FOCAD: variants seen among roughly 807,000 people sequenced by gnomAD.
FOCAD encodes the protein KIAA1797.
In FOCAD, 198 loss-of-function variants were observed where a neutral mutation model predicts 225.6. The observed-to-expected ratio is 0.88, with a 90% CI of 0.78 to 0.99. FOCAD has a LOEUF of 0.99. Among genes scored for constraint, FOCAD ranks in the 50% least tolerant of loss-of-function variants. The pLI is 0.00. For missense variants in FOCAD, 2,713 were observed against 2,123.6 expected, an observed-to-expected ratio of 1.28 and a Z score of -5.46; for synonymous variants, 897 against 755.0, an observed-to-expected ratio of 1.19 and a Z score of -3.08.
At chr9:20,861,878 TAAG>T (rs1337537246) in intron 15 of FOCAD, among the ~76,000 whole-genome samples, 2 of 152,136 alleles carry the variant, frequency 1.3e-5, no homozygotes, top group Non-Finnish European at 2.9e-5. Flanking sequence ...GAATTGAACT[TAAG>T]AAGATATTTG....
Position 20,783,884 on chromosome 9 carries a change from C to G in FOCAD, c.1197+1955C>G, listed in dbSNP as rs1011276633. 1.1e-4 allele frequency among the ~76,000 whole-genome samples: 16 copies of G among 151,978 alleles called. 1 individual carries two copies. The highest frequency in any genetic ancestry group is 1.5e-5 in the Non-Finnish European group (1 of 67,998). On this transcript the variant is annotated intron_variant, in intron 10 of 43. Coordinates refer to ENST00000338382, the MANE Select transcript of FOCAD (RefSeq NM_001375567.1). ...AGTCAGGAAAGAGAAAACACACTGGCAATTTGAACAAGGAAAACTTAATGC... is the reference window on the plus strand; with the variant it reads ...AGTCAGGAAAGAGAAAACACACTGGGAATTTGAACAAGGAAAACTTAATGC...
At chr9:20,986,606 T>C (rs1172293043) in intron 40 of FOCAD, 141 bp downstream of exon 40, 2 of 612,672 alleles carry the variant, frequency 3.3e-6, no homozygotes, top group Non-Finnish European at 5.2e-6. Context: ...AAATGAGGAG[T>C]AACTTGGATA....
At chr9:20,719,300 C>G (rs1825591551) in intron 3 of FOCAD, among the ~76,000 whole-genome samples, 1 of 152,168 alleles carries the variant, frequency 6.6e-6, no homozygotes, top group African/African-American at 2.4e-5. Flanking sequence ...CCAGGCTGGT[C>G]TCGAACTTCT....
intron 10 of FOCAD, among the ~76,000 whole-genome samples, chr9:20,783,290 A>G (rs1364132946): frequency 6.6e-6 from 1 of 152,198 alleles, no homozygotes; most frequent in African/African-American, 2.4e-5. Context: ...GGCTGTAAAT[A>G]TCCTCCTTAT....
At chr9:20,665,590 AG>A (rs1176292491) in intron 2 of FOCAD, among the ~76,000 whole-genome samples, 2 of 152,214 alleles carry the variant, frequency 1.3e-5, no homozygotes, top group Non-Finnish European at 2.9e-5. Flanking sequence ...TAAAAGGAAA[AG>A]AGTAAATATG....
chr9:20,945,843 A>G lies in FOCAD; in HGVS notation c.3556-858A>G, dbSNP rs1039904517. On this transcript the variant is annotated intron_variant, in intron 29 of 43. Transcript: ENST00000338382. Reference sequence around the variant, plus strand: ...CACTTATATTTTTCATGCCATATCAACCAGTGCTAGAAGTTGAATTTTCTA... The same window carrying G: ...CACTTATATTTTTCATGCCATATCAGCCAGTGCTAGAAGTTGAATTTTCTA... Among the ~76,000 whole-genome samples the G allele has an allele frequency of 3.9e-5, 6 of 152,306 alleles. No homozygotes were observed. The East Asian group carries it at 7.7e-4, about 20-fold the overall frequency.
chr9:20,729,854 T>C (rs1291597300), intron 4 of FOCAD, among the ~76,000 whole-genome samples: 1 of 152,070 alleles, frequency 6.6e-6, no homozygotes, highest in Non-Finnish European at 1.5e-5. Context: ...AGAGATTGAG[T>C]GAATGGAGAA....
At chr9:20,746,654 T>C (rs2131705649) in intron 5 of FOCAD, among the ~76,000 whole-genome samples, 1 of 152,324 alleles carries the variant, frequency 6.6e-6, no homozygotes, top group African/African-American at 2.4e-5. Flanking sequence ...AGAGTGTGTT[T>C]TCTAAGAACA....
At chr9:20,820,761 T>C (rs1031775302) in intron 13 of FOCAD, among the ~76,000 whole-genome samples, 180 bp from the exon 14 acceptor site, 10 of 152,158 alleles carry the variant, frequency 6.6e-5, no homozygotes, top group African/African-American at 2.4e-4. Context: ...CAACAGTACA[T>C]TGGTGTATAA....
At chr9:20,685,061 G>T (rs868618000) in intron 1 of FOCAD, among the ~76,000 whole-genome samples, 5 of 152,174 alleles carry the variant, frequency 3.3e-5, no homozygotes, top group African/African-American at 1.2e-4. Context: ...ATTTCATGCA[G>T]TCATTCATTC....
intron 15 of FOCAD, among the ~76,000 whole-genome samples, chr9:20,830,206 T>G (rs1201898701): frequency 1.3e-5 from 2 of 152,100 alleles, no homozygotes; most frequent in Non-Finnish European, 2.9e-5. Flanking sequence ...TACTTGGACT[T>G]TTTTTCTGTC....
At chr9:20,944,389 A>C (rs1836968681) in intron 28 of FOCAD, among the ~76,000 whole-genome samples, 1 of 152,056 alleles carries the variant, frequency 6.6e-6, no homozygotes, top group Non-Finnish European at 1.5e-5. Flanking sequence ...GTTTTTATCT[A>C]GGGGGTGTAC....
intron 39 of FOCAD, among the ~76,000 whole-genome samples, chr9:20,983,570 CAAAA>C (rs371636885): frequency 3.0e-5 from 3 of 98,434 alleles, no homozygotes; most frequent in Non-Finnish European, 2.1e-5. Flanking sequence ...GACTCTGTCT[CAAAA>C]AAAAAAAAAA....
chr9:20,717,392 C>T (rs1748344177), intron 2 of FOCAD, among the ~76,000 whole-genome samples: 2 of 152,150 alleles, frequency 1.3e-5, no homozygotes, highest in Admixed American at 6.6e-5. Context: ...TCTTCATATT[C>T]GTTAACAGTG....
At chr9:20,845,442 G>GATATATATATAT (rs3086547) in intron 15 of FOCAD, among the ~76,000 whole-genome samples, 6,139 of 120,994 alleles carry the variant, frequency 0.051, 246 homozygotes, top group African/African-American at 0.075. Context: ...TCTTTTCCTC[G>GATATATATATAT]ATATATATAT....
At chr9:20,759,847 G>T (rs896308358) in intron 6 of FOCAD, among the ~76,000 whole-genome samples, 3 of 152,232 alleles carry the variant, frequency 2.0e-5, no homozygotes, top group African/African-American at 7.2e-5. Flanking sequence ...TAGGAGATAA[G>T]TTCTTCCCCT....
chr9:20,745,365 C>T (rs1031877854), intron 5 of FOCAD, among the ~76,000 whole-genome samples: 5 of 152,144 alleles, frequency 3.3e-5, no homozygotes, highest in African/African-American at 4.8e-5. Context: ...GCTGGGATTA[C>T]AGGTGTGAGC....
At chr9:20,954,532 G>T (rs547911665) in intron 35 of FOCAD, among the ~76,000 whole-genome samples, 1 of 152,116 alleles carries the variant, frequency 6.6e-6, no homozygotes, top group Admixed American at 6.6e-5. Context: ...CATATTTCTT[G>T]GCAGACATGA....
intron 8 of FOCAD, among the ~76,000 whole-genome samples, chr9:20,778,038 G>A (rs943118093): frequency 2.2e-5 from 3 of 137,600 alleles, no homozygotes; most frequent in South Asian, 2.3e-4. Flanking sequence ...TGCAGTGAGC[G>A]GAGATCGTGC....
Sources: gnomAD v4.1 joint callset for allele counts (sites outside exome capture counted in the v4.1 genomes callset) on GRCh38, gnomAD v4.1.1 for gene constraint, MANE v1.5 for transcripts, NCBI Gene and HGNC (gene_info 2026-07-23, HGNC 2026-07-21) for gene names.